The following STAG3 variants were observed in gnomAD, a reference collection of about 807,000 sequenced individuals.
The protein encoded by STAG3 is STAG3 cohesin complex component.
Under a neutral mutation model 160.7 loss-of-function variants are expected in STAG3, and 101 were observed. The ratio of observed to expected loss-of-function variants is 0.63; its 90% CI spans 0.54 to 0.74. STAG3 has a LOEUF of 0.74. Ranked by LOEUF, STAG3 falls within the 30% of genes least tolerant of loss-of-function variation. The probability of loss-of-function intolerance (pLI) is 0.00; values close to 1 mark genes in which losing one functional copy is unlikely to be tolerated. For missense variants in STAG3, 1,188 were observed against 1,517.4 expected, an observed-to-expected ratio of 0.78 and a Z score of 3.61; for synonymous variants, 519 against 585.0, an observed-to-expected ratio of 0.89 and a Z score of 1.63.
chr7:100,217,921 C>T (rs1014875403), downstream of STAG3, among the ~76,000 whole-genome samples: 22 of 151,262 alleles, frequency 1.5e-4, no homozygotes, highest in Admixed American at 1.3e-3. Context: ...CACAGGGAGA[C>T]GGTTAGGCCT....
chr7:100,206,288 T>G (rs544545679), intron 29 of STAG3, among the ~76,000 whole-genome samples: 1 of 151,516 alleles, frequency 6.6e-6, no homozygotes, highest in East Asian at 2.0e-4. Flanking sequence ...AGTGCTGGGA[T>G]TACAGGTGTG....
Position 100,211,495 on chromosome 7 carries a change from T to G in STAG3, c.3474T>G (p.Thr1158=). ...TCTTGGGTCCACAATATTTCCAGAC[T>G]CCACACAACCCTTCAGGTCCTGGCC... ...SRFLGPQYFQ[T]PHNPSGPGLG... The change falls in exon 31 of 34, where the codon ACT becomes ACG. Residue 1158 remains threonine, a synonymous_variant. Coordinates refer to ENST00000615138, the MANE Select transcript of STAG3 (RefSeq NM_001282717.2). 1 of 1,613,674 alleles carries G rather than the reference T, an allele frequency of 6.2e-7. No individual in the cohort carries two copies. Among genetic ancestry groups the G allele is most frequent in the Non-Finnish European group, 8.5e-7 (1 of 1,179,944 alleles).
intron 9 of STAG3, among the ~76,000 whole-genome samples, chr7:100,196,371 C>A (rs1322162983): frequency 6.6e-6 from 1 of 151,892 alleles, no homozygotes; most frequent in East Asian, 2.0e-4. Flanking sequence ...AGCCCCACCC[C>A]CCGGGTTTAG....
At chr7:100,182,614 G>C in intron 3 of STAG3, 109 bp from the exon 4 acceptor site, 1 of 1,071,794 alleles carries the variant, frequency 9.3e-7, no homozygotes, top group Non-Finnish European at 1.4e-6. Flanking sequence ...CTCTGCTGTG[G>C]AATTGGCAGC....
intron 32 of STAG3, chr7:100,212,490 T>C (rs2257213): frequency 0.73 from 111,792 of 152,134 alleles, 42,024 homozygotes; most frequent in Middle Eastern, 0.86. Flanking sequence ...GAGTCTCTCT[T>C]TGTCACCTAG....
intron 29 of STAG3, among the ~76,000 whole-genome samples, chr7:100,208,253 T>C (rs1284919299): frequency 6.6e-6 from 1 of 152,210 alleles, no homozygotes; most frequent in Non-Finnish European, 1.5e-5. Context: ...TTATGTCTTA[T>C]ACCACCAGGA....
In STAG3 at chr7:100,197,289, G is replaced by A. The variant is rs1419898912; in HGVS notation, c.1065+10G>A. ...GACTCTGCATGATAAGGTGGGATTC[G>A]AGTCAGTTTCCCTTTCCGTTTCCTT... is the stretch of plus-strand genomic sequence containing the variant. On this transcript the variant is annotated intron_variant, in intron 10 of 33. Coordinates refer to ENST00000615138, the MANE Select transcript of STAG3 (RefSeq NM_001282717.2). 7 of 1,607,042 alleles carry A rather than the reference G, an allele frequency of 4.4e-6. No individual in the cohort carries two copies. The highest frequency in any genetic ancestry group is 1.3e-5 in the African/African-American group (1 of 74,832).
chr7:100,198,760 T>A, intron 13 of STAG3, 83 bp from the exon 14 acceptor site: 1 of 1,337,748 alleles, frequency 7.5e-7, no homozygotes, highest in Non-Finnish European at 1.1e-6. Context: ...TATCATCTCC[T>A]TGGGCCATCT....
intron 5 of STAG3, among the ~76,000 whole-genome samples, chr7:100,187,646 G>C (rs576193966): frequency 8.5e-4 from 129 of 152,264 alleles, no homozygotes; most frequent in Non-Finnish European, 1.5e-3. Flanking sequence ...CTCAAGCTTG[G>C]GGTGGGCAGT....
intron 4 of STAG3, among the ~76,000 whole-genome samples, chr7:100,183,350 G>T (rs1799776317): frequency 6.6e-6 from 1 of 152,192 alleles, no homozygotes; most frequent in Non-Finnish European, 1.5e-5. Context: ...GGTATCACAG[G>T]AGTGATTATG....
In STAG3 at chr7:100,207,035, G is replaced by T. The variant is rs914062964; in HGVS notation, c.3238+1651G>T. On this transcript the variant is annotated intron_variant, in intron 29 of 33. Coordinates refer to ENST00000615138, the MANE Select transcript of STAG3 (RefSeq NM_001282717.2). This position sits in a 1 kb window ranked among gnomAD's most constrained non-coding sequence, Gnocchi z 4.0. ...TTTCACTTAGTACAGTGTTTTCAAC[G>T]TTCATCCATACTTTGACATATATCA... 6.6e-6 allele frequency among the ~76,000 whole-genome samples: 1 copy of T among 152,028 alleles called. No homozygotes were observed. Among genetic ancestry groups the T allele is most frequent in the Admixed American group, 6.6e-5 (1 of 15,248 alleles).
chr7:100,182,936 G>A (rs1229508535), intron 4 of STAG3, 97 bp downstream of exon 4: 15 of 1,355,486 alleles, frequency 1.1e-5, no homozygotes, highest in Non-Finnish European at 1.6e-5. Flanking sequence ...ACATTTTAGT[G>A]AGTGTAACAT....
At chr7:100,202,427 T>C in intron 24 of STAG3, 27 bp from the exon 25 acceptor site, 3 of 1,610,874 alleles carry the variant, frequency 1.9e-6, no homozygotes, top group Non-Finnish European at 2.5e-6. Flanking sequence ...AAGTCTGTGA[T>C]TCCCTTTTGC....
chr7:100,197,749 C>T, intron 10 of STAG3, 29 bp from the exon 11 acceptor site: 2 of 1,576,548 alleles, frequency 1.3e-6, no homozygotes, highest in Non-Finnish European at 1.7e-6. Flanking sequence ...AGTCTTATTT[C>T]CATTCTCCTG....
rs1300060336 is a variant in STAG3, at chr7:100,199,646, T to C, written c.1677+2T>C. ...GTGGGCCGGGTCACTGGGAGGAAGG[T>C]ATGGTGTGAGGGTAGAGTGGGTAGG... On this transcript the variant is annotated splice_donor_variant, in intron 16 of 33. Coordinates refer to ENST00000615138, the MANE Select transcript of STAG3 (RefSeq NM_001282717.2). LOFTEE classifies it high-confidence loss of function. The C allele has an allele frequency of 6.3e-7, 1 of 1,585,994 alleles. No homozygotes were observed. The highest frequency in any genetic ancestry group is 1.3e-5 in the African/African-American group (1 of 74,312).
chr7:100,218,023 T>C (rs1802917999), downstream of STAG3, among the ~76,000 whole-genome samples: 1 of 147,916 alleles, frequency 6.8e-6, no homozygotes, highest in East Asian at 2.1e-4. Flanking sequence ...GGAAAGGGAG[T>C]CTCCCTTTCC....
intron 5 of STAG3, among the ~76,000 whole-genome samples, chr7:100,187,822 T>C (rs1800121097): frequency 6.6e-6 from 1 of 150,400 alleles, no homozygotes; most frequent in Non-Finnish European, 1.5e-5. Context: ...AGTAGTGCGA[T>C]CTCAGCTTAC....
At position 100,213,781 on chromosome 7, in the gene STAG3, T is replaced by TA; in HGVS notation, c.3648dup (p.Asp1217ArgfsTer8). On this transcript the variant is annotated frameshift_variant, in exon 33 of 34. Coordinates refer to ENST00000615138, the MANE Select transcript of STAG3 (RefSeq NM_001282717.2). LOFTEE classifies it high-confidence loss of function. Reference sequence around the variant, plus strand: ...ACCAGTGAGCGCGGGCTGGACCTCTTAGATTCTACAGAGCTGGATATTGAG... The same window carrying TA: ...ACCAGTGAGCGCGGGCTGGACCTCTTAAGATTCTACAGAGCTGGATATTGAG... 4.3e-6 allele frequency: 7 copies of TA among 1,614,234 alleles called. No individual in the cohort carries two copies. Among genetic ancestry groups the TA allele is most frequent in the Non-Finnish European group, 5.1e-6 (6 of 1,180,032 alleles).
chr7:100,189,390 C>G (rs1800217262), intron 7 of STAG3, 55 bp from the exon 8 acceptor site: 2 of 1,548,602 alleles, frequency 1.3e-6, no homozygotes, highest in East Asian at 2.2e-5. Flanking sequence ...TTCTACTCAT[C>G]CTCTCTCCTC....
Sources: gnomAD v4.1 joint callset for allele counts (sites outside exome capture counted in the v4.1 genomes callset) on GRCh38, gnomAD v4.1.1 for gene constraint, Gnocchi (gnomAD v3.1) non-coding constraint, MANE v1.5 for transcripts, NCBI Gene and HGNC (gene_info 2026-07-23, HGNC 2026-07-21) for gene names.